ZC3H4: variants seen among roughly 807,000 people sequenced by gnomAD.
ZC3H4 encodes zinc finger CCCH domain-containing protein 4.
Under a neutral mutation model 108.3 loss-of-function variants are expected in ZC3H4, and 13 were observed. The observed-to-expected ratio is 0.12, with a 90% confidence interval of 0.08 to 0.19. The LOEUF (loss-of-function observed/expected upper bound fraction) is 0.19, where lower values mean the gene tolerates loss of function less well. Ranked by LOEUF, ZC3H4 falls within the 10% of genes least tolerant of loss-of-function variation. ZC3H4 has a pLI of 1.00. For synonymous variants in ZC3H4, 917 were observed against 749.6 expected (o/e 1.22, Z -3.65); for missense variants, 1,734 against 1,838.8 (o/e 0.94, Z 1.04).
chr19:47,084,990 T>A, intron 8 of ZC3H4, 66 bp downstream of exon 8: 1 of 1,593,172 alleles, frequency 6.3e-7, no homozygotes, highest in Non-Finnish European at 8.6e-7. Context: ...GAATGACTCA[T>A]TAAAGGGAAA....
At chr19:47,069,034 C>G in intron 14 of ZC3H4, 58 bp downstream of exon 14, 1 of 1,597,866 alleles carries the variant, frequency 6.3e-7, no homozygotes, top group Non-Finnish European at 8.5e-7. Context: ...CCCACCACCG[C>G]CGCTCCCCTG....
At chr19:47,111,021 C>T (rs2058031995) in intron 2 of ZC3H4, 2 of 687,424 alleles carry the variant, frequency 2.9e-6, no homozygotes, top group Non-Finnish European at 3.6e-6. Flanking sequence ...TACAGCCTGG[C>T]AAGGGAAGCC....
intron 2 of ZC3H4, among the ~76,000 whole-genome samples, chr19:47,097,303 C>T (rs977941389): frequency 5.3e-5 from 8 of 152,184 alleles, no homozygotes; most frequent in African/African-American, 1.9e-4. Context: ...CAGAGAAATA[C>T]ATAGGATTTT....
At chr19:47,100,499 C>G (rs929183218) in intron 2 of ZC3H4, among the ~76,000 whole-genome samples, 2 of 151,836 alleles carry the variant, frequency 1.3e-5, no homozygotes, top group African/African-American at 4.8e-5. Context: ...GTCCAGGCAT[C>G]AGCATCTGTA....
At chr19:47,086,256 G>A (rs2122893474) in intron 6 of ZC3H4, 128 bp downstream of exon 6, 1 of 1,067,902 alleles carries the variant, frequency 9.4e-7, no homozygotes, top group Middle Eastern at 2.0e-4. Context: ...TGCGCTCTGA[G>A]GCTTCCCTTC....
In ZC3H4 at chr19:47,071,912, A is replaced by T. The variant is rs781422666; in HGVS notation, c.2012T>A (p.Met671Lys). 6.2e-7 allele frequency: 1 copy of T among 1,612,462 alleles called. No individual in the cohort carries two copies. Among genetic ancestry groups the T allele is most frequent in the Admixed American group, 1.7e-5 (1 of 59,764 alleles). ...GGAGTCTCCAGGGCCGTAGGGCATC[A>T]TTGGAGGGCCGCCAGGGCCCATGGG... ...GPPMGPGGPP[M>K]MPYGPGDSPH... The change falls in exon 13 of 15, where the codon ATG (methionine) becomes AAG (lysine). Residue 671 changes from methionine to lysine, a missense_variant. Coordinates refer to ENST00000253048, the MANE Select transcript of ZC3H4 (RefSeq NM_015168.2).
chr19:47,080,058 A>G (rs952264430), intron 11 of ZC3H4, among the ~76,000 whole-genome samples: 9 of 152,148 alleles, frequency 5.9e-5, no homozygotes, highest in Non-Finnish European at 1.2e-4. Flanking sequence ...CAAGACAGTC[A>G]CTGACAGATG....
chr19:47,110,121 CA>C (rs2058019341), intron 2 of ZC3H4, among the ~76,000 whole-genome samples: 1 of 151,974 alleles, frequency 6.6e-6, no homozygotes, highest in Non-Finnish European at 1.5e-5. Flanking sequence ...CAGTACTTTA[CA>C]AATGACTTGC....
At position 47,065,080 on chromosome 19, in the gene ZC3H4, G is replaced by A. The variant is rs1278978690; in HGVS notation, c.*1276C>T. The A allele has an allele frequency of 6.6e-6, 1 of 152,512 alleles. No individual in the cohort carries two copies. The highest frequency in any genetic ancestry group is 6.5e-5 in the Admixed American group (1 of 15,284). 9.4% of individuals were successfully genotyped at this position (152,512 alleles called of 1,614,324 possible). The stretch of plus-strand genomic sequence containing the variant: ...TAGCAGGCCTCCCCCAGCACCCCTT[G>A]CGCCCATCTCTCGGGCTGTGTCCAT... On this transcript the variant is annotated 3_prime_UTR_variant, in exon 15 of 15. Transcript: ENST00000253048.
intron 2 of ZC3H4, among the ~76,000 whole-genome samples, chr19:47,104,222 G>A (rs902119322): frequency 6.6e-6 from 1 of 152,082 alleles, no homozygotes; most frequent in African/African-American, 2.4e-5. Context: ...AGGAGGCTGA[G>A]GCAGGAGAAT....
Position 47,072,061 on chromosome 19 carries a change from T to G in ZC3H4, c.1863A>C (p.Pro621=). ...PMGPGPNMGP[P]GPMGGPMHPD... Reference sequence around the variant, plus strand: ...GATGCATTGGACCGCCCATTGGCCCTGGGGGTCCCATGTTGGGCCCAGGGC... The same window carrying G: ...GATGCATTGGACCGCCCATTGGCCCGGGGGGTCCCATGTTGGGCCCAGGGC... Residue 621 remains proline (P), a synonymous_variant, in exon 13 of 15, where the codon CCA becomes CCC. Transcript: ENST00000253048. The surrounding 1 kb of genome is among the most constrained non-coding windows in gnomAD (Gnocchi z 5.6). 6.3e-7 allele frequency: 1 copy of G among 1,581,490 alleles called. No individual in the cohort carries two copies. The highest frequency in any genetic ancestry group is 8.6e-7 in the Non-Finnish European group (1 of 1,163,760).
intron 7 of ZC3H4, 51 bp downstream of exon 7, chr19:47,085,267 C>T: frequency 3.8e-6 from 6 of 1,561,804 alleles, no homozygotes; most frequent in Non-Finnish European, 5.2e-6. Flanking sequence ...ATTCCAGCAG[C>T]TGCTGGAATC....
At chr19:47,099,453 C>CTCAAAAA (rs2057872610) in intron 2 of ZC3H4, among the ~76,000 whole-genome samples, 1 of 150,872 alleles carries the variant, frequency 6.6e-6, no homozygotes, top group Non-Finnish European at 1.5e-5. Context: ...GAGTGAAACT[C>CTCAAAAA]CGTCTCAAAA....
intron 2 of ZC3H4, among the ~76,000 whole-genome samples, chr19:47,111,141 C>T (rs1383601284): frequency 2.6e-5 from 4 of 152,166 alleles, no homozygotes; most frequent in Non-Finnish European, 5.9e-5. Context: ...ACCCCCATTC[C>T]CTCCAAGACT....
Position 47,067,205 on chromosome 19 carries a change from G to GGGGGCGCCCGGGCGCTGCCGGGCGTTC in ZC3H4, c.3062_3063insGAACGCCCGGCAGCGCCCGGGCGCCCC (p.Pro1021_Ala1029dup). On this transcript the variant is annotated inframe_insertion, in exon 15 of 15. Coordinates refer to ENST00000253048, the MANE Select transcript of ZC3H4 (RefSeq NM_015168.2). This position sits in a 1 kb window ranked among gnomAD's most constrained non-coding sequence, Gnocchi z 6.4. ...AGGCGCCCGGGCGCTGCCGGGCGTT[G>GGGGGCGCCCGGGCGCTGCCGGGCGTTC]GGGGGCCCTGCCGTGGCAGCGCGGT... 1 of 1,610,066 alleles carries GGGGGCGCCCGGGCGCTGCCGGGCGTTC rather than the reference G, an allele frequency of 6.2e-7. No individual in the cohort carries two copies. The highest frequency in any genetic ancestry group is 8.5e-7 in the Non-Finnish European group (1 of 1,178,164).
Position 47,072,290 on chromosome 19 carries a change from G to T in ZC3H4, c.1802+62C>A. ...CCCACAGCCAGGCTTGCCCTAACAAGAGGAGCCTGGCTGGGCCCAGGACAG... is the reference window on the plus strand; with the variant it reads ...CCCACAGCCAGGCTTGCCCTAACAATAGGAGCCTGGCTGGGCCCAGGACAG... On this transcript the variant is annotated intron_variant, in intron 12 of 14. Transcript: ENST00000253048. The surrounding 1 kb of genome is among the most constrained non-coding windows in gnomAD (Gnocchi z 5.6). 1 of 1,545,368 alleles carries T rather than the reference G, an allele frequency of 6.5e-7. No individual in the cohort carries two copies.
intron 2 of ZC3H4, among the ~76,000 whole-genome samples, chr19:47,109,756 AAAAC>A (rs1188226986): frequency 2.0e-5 from 3 of 152,222 alleles, no homozygotes; most frequent in Non-Finnish European, 4.4e-5. Flanking sequence ...AAGAAGGAAA[AAAAC>A]AAAACGGTTC....
In ZC3H4 at chr19:47,069,256, T is replaced by G. The variant is rs771215392; in HGVS notation, c.2234A>C (p.Glu745Ala). 2 of 1,613,868 alleles carry G rather than the reference T, an allele frequency of 1.2e-6. No individual in the cohort carries two copies. Among genetic ancestry groups the G allele is most frequent in the South Asian group, 1.1e-5 (1 of 91,076 alleles). Reference sequence around the variant, plus strand: ...CTTCGGCCGGCCTGGGGGCCCTCCCTCAGAGAAGCTGTCGGGCTCCAGAGG... The same window carrying G: ...CTTCGGCCGGCCTGGGGGCCCTCCCGCAGAGAAGCTGTCGGGCTCCAGAGG... The part of the protein sequence containing the change: ...EHPLEPDSFS[E>A]GGPPGRPKPG... The change falls in exon 14 of 15, where the codon GAG (glutamate) becomes GCG (alanine). Residue 745 changes from glutamate to alanine, a missense_variant. By Grantham distance (107) the Glu-to-Ala change is moderately radical. Transcript: ENST00000253048.
rs750198945 is a variant in ZC3H4, at chr19:47,066,404, C to T, written c.3864G>A (p.Lys1288=). 25 of 1,572,328 alleles carry T rather than the reference C, an allele frequency of 1.6e-5. No homozygotes were observed. The highest frequency in any genetic ancestry group is 9.6e-5 in the Admixed American group (5 of 52,224). ...REGEQDAASL[K]DVFKGFDPTA... The stretch of plus-strand genomic sequence containing the variant: ...TGGGGTCGAAGCCTTTAAAAACATC[C>T]TTCAGGGATGCCGCATCCTGCTCAC... The change falls in exon 15 of 15, where the codon AAG becomes AAA. Residue 1288 remains lysine, a synonymous_variant. Transcript: ENST00000253048.
Sources: gnomAD v4.1 joint callset for allele counts (sites outside exome capture counted in the v4.1 genomes callset) on GRCh38, gnomAD v4.1.1 for gene constraint, Gnocchi (gnomAD v3.1) non-coding constraint, MANE v1.5 for transcripts, NCBI Gene and HGNC (gene_info 2026-07-23, HGNC 2026-07-21) for gene names.